PCDH15: variants seen among roughly 807,000 people sequenced by gnomAD.
PCDH15 encodes the protein protocadherin related 15.
A neutral mutation model predicts 178.5 loss-of-function variants in PCDH15; 129 were observed. The ratio of observed to expected loss-of-function variants is 0.72; its 90% confidence interval spans 0.63 to 0.84. The LOEUF is 0.84. Ranked by LOEUF, PCDH15 falls within the 40% of genes least tolerant of loss-of-function variation. The pLI, the probability that PCDH15 is intolerant of heterozygous loss-of-function variation, is 0.00. For missense variants in PCDH15, 2,230 were observed against 2,099.9 expected (o/e 1.06, Z -1.21); for synonymous variants, 800 against 732.0 (o/e 1.09, Z -1.50).
chr10:55,105,125 T>C (rs1325105944), intron 2 of PCDH15, among the ~76,000 whole-genome samples: 1 of 152,240 alleles, frequency 6.6e-6, no homozygotes, highest in African/African-American at 2.4e-5. Context: ...GTATGGTCTG[T>C]AAGTGTTTGC....
intron 20 of PCDH15, among the ~76,000 whole-genome samples, chr10:54,010,613 TC>T (rs944302332): frequency 1.2e-4 from 18 of 152,132 alleles, no homozygotes; most frequent in Non-Finnish European, 2.6e-4. Flanking sequence ...AACCACCTTG[TC>T]AATGCCTAAC....
Position 55,210,226 on chromosome 10 carries a change from T to A in PCDH15, c.-155-43575A>T, listed in dbSNP as rs143362908. Among the ~76,000 whole-genome samples, 814 of 152,168 alleles carry A rather than the reference T, an allele frequency of 5.3e-3. 1 individual carries two copies. Among genetic ancestry groups the A allele is most frequent in the Non-Finnish European group, 7.0e-3 (473 of 68,014 alleles). On this transcript the variant is annotated intron_variant, in intron 1 of 5. Coordinates refer to the PCDH15 transcript ENST00000458638. ...TGTTACAGCAGATGATGCCACATTA[T>A]ACTATAGAGGACAGAGTCATGGGGC...
chr10:53,942,126 C>A (rs1589537681), intron 23 of PCDH15, among the ~76,000 whole-genome samples: 1 of 152,196 alleles, frequency 6.6e-6, no homozygotes, highest in East Asian at 1.9e-4. Flanking sequence ...CAGTCTTTCT[C>A]ACAGATACTC....
At chr10:54,571,502 G>A (rs2089836460) in intron 2 of PCDH15, among the ~76,000 whole-genome samples, 1 of 151,960 alleles carries the variant, frequency 6.6e-6, no homozygotes, top group African/African-American at 2.4e-5. Flanking sequence ...ACCCTCATTA[G>A]AACACAATTA....
chr10:53,956,415 T>C (rs2087619790), intron 23 of PCDH15, among the ~76,000 whole-genome samples: 1 of 152,196 alleles, frequency 6.6e-6, no homozygotes, highest in South Asian at 2.1e-4. Flanking sequence ...TAAGTTTCTT[T>C]ATAGTTCAGT....
chr10:55,111,342 A>T (rs1591911335), intron 2 of PCDH15, among the ~76,000 whole-genome samples: 1 of 152,188 alleles, frequency 6.6e-6, no homozygotes, highest in East Asian at 1.9e-4. Context: ...ATGAAGATAG[A>T]TTTCTTTTAA....
intron 2 of PCDH15, among the ~76,000 whole-genome samples, chr10:54,900,134 T>C (rs1360451426): frequency 2.0e-5 from 3 of 152,206 alleles, no homozygotes. Flanking sequence ...TATTGATCAC[T>C]ATATACCAGG....
intron 2 of PCDH15, among the ~76,000 whole-genome samples, chr10:55,500,095 A>C (rs1321860300): frequency 6.6e-6 from 1 of 151,724 alleles, no homozygotes; most frequent in African/African-American, 2.4e-5. Context: ...AGAAATTGTT[A>C]ATGGTGATTA....
At chr10:54,787,444 C>A (rs1329578804) in intron 1 of PCDH15, among the ~76,000 whole-genome samples, 2 of 151,876 alleles carry the variant, frequency 1.3e-5, no homozygotes. Context: ...TGATAGTCAA[C>A]AATAGTGTCA....
intron 1 of PCDH15, among the ~76,000 whole-genome samples, chr10:55,239,618 A>G (rs1382062618): frequency 6.6e-6 from 1 of 152,148 alleles, no homozygotes; most frequent in Non-Finnish European, 1.5e-5. Flanking sequence ...ATTCCAGAAC[A>G]TTTTTCTGGG....
chr10:55,433,644 C>T (rs1334933353), intron 2 of PCDH15, among the ~76,000 whole-genome samples: 1 of 151,806 alleles, frequency 6.6e-6, no homozygotes, highest in African/African-American at 2.4e-5. Context: ...GATTAACAAA[C>T]ATTTTTAATT....
chr10:55,233,072 C>T (rs79375426), intron 1 of PCDH15, among the ~76,000 whole-genome samples: 1 of 151,654 alleles, frequency 6.6e-6, no homozygotes, highest in African/African-American at 2.4e-5. Flanking sequence ...AATATTGTCT[C>T]ATAATTTTCT....
At chr10:54,716,615 C>G (rs2095482670) in intron 1 of PCDH15, among the ~76,000 whole-genome samples, 1 of 151,954 alleles carries the variant, frequency 6.6e-6, no homozygotes, top group South Asian at 2.1e-4. Context: ...GATTTTGTAT[C>G]CTGAGACTTT....
Position 54,569,265 on chromosome 10 carries a change from A to G in PCDH15, c.92-41388T>C, listed in dbSNP as rs115899526. Among the ~76,000 whole-genome samples the G allele has an allele frequency of 2.9e-3, 434 of 152,276 alleles. 3 individuals are homozygous for G. Among genetic ancestry groups the G allele is most frequent in the African/African-American group, 9.8e-3 (407 of 41,580 alleles). ...TACTAAAAACTATACTGTGAAGAAAATATGTAAAGCAATATTCTTGCACAA... is the reference window on the plus strand; with the variant it reads ...TACTAAAAACTATACTGTGAAGAAAGTATGTAAAGCAATATTCTTGCACAA... On this transcript the variant is annotated intron_variant, in intron 2 of 37. Transcript: ENST00000644397.
intron 2 of PCDH15, among the ~76,000 whole-genome samples, chr10:55,605,569 C>T (rs1489321908): frequency 6.6e-6 from 1 of 150,546 alleles, no homozygotes; most frequent in Non-Finnish European, 1.5e-5. Context: ...GGCTTCATCC[C>T]TGGGATGCAA....
chr10:55,183,074 GAT>G (rs915687187), intron 1 of PCDH15, among the ~76,000 whole-genome samples: 14 of 151,846 alleles, frequency 9.2e-5, no homozygotes, highest in African/African-American at 3.4e-4. Flanking sequence ...ATGAGATATA[GAT>G]ATGGTATATA....
chr10:54,339,990 C>T (rs969613605), intron 6 of PCDH15, among the ~76,000 whole-genome samples: 1 of 152,176 alleles, frequency 6.6e-6, no homozygotes, highest in African/African-American at 2.4e-5. Flanking sequence ...CTCTCTCCAA[C>T]TGCAAGACCT....
At chr10:55,295,577 C>T (rs1843112376) in intron 1 of PCDH15, among the ~76,000 whole-genome samples, 1 of 152,124 alleles carries the variant, frequency 6.6e-6, no homozygotes. Flanking sequence ...AAATGATTTA[C>T]CTAAACATAT....
chr10:55,192,162 C>A (rs2132147156), intron 1 of PCDH15, among the ~76,000 whole-genome samples: 1 of 151,954 alleles, frequency 6.6e-6, no homozygotes, highest in Admixed American at 6.6e-5. Flanking sequence ...TAGTTCATCC[C>A]ACTCTGAATA....
Sources: gnomAD v4.1 joint callset for allele counts (sites outside exome capture counted in the v4.1 genomes callset) on GRCh38, gnomAD v4.1.1 for gene constraint, MANE v1.5 for transcripts, NCBI Gene and HGNC (gene_info 2026-07-23, HGNC 2026-07-21) for gene names.